Variants in RELN observed in about 807,000 individuals in gnomAD.
RELN encodes reelin.
Under a neutral mutation model 427.6 loss-of-function variants are expected in RELN, and 108 were observed. The ratio of observed to expected loss-of-function variants is 0.25; its 90% CI spans 0.22 to 0.30. The LOEUF (loss-of-function observed/expected upper bound fraction) is 0.30, where lower values mean the gene tolerates loss of function less well. Among genes scored for constraint, RELN ranks in the 10% least tolerant of loss-of-function variants. The pLI, the probability that RELN is intolerant of heterozygous loss-of-function variation, is 1.00. For missense variants in RELN, 3,715 were observed against 4,302.8 expected (o/e 0.86, Z 3.82); for synonymous variants, 1,524 against 1,513.4 (o/e 1.01, Z -0.16).
chr7:103,885,974 TCACC>T, intron 2 of RELN, among the ~76,000 whole-genome samples: 1 of 152,118 alleles, frequency 6.6e-6, no homozygotes, highest in Non-Finnish European at 1.5e-5. Context: ...ATTATTTTAA[TCACC>T]ATTTTTCTCT....
chr7:103,919,236 A>G (rs1297135622), intron 1 of RELN, among the ~76,000 whole-genome samples: 2 of 150,854 alleles, frequency 1.3e-5, no homozygotes, highest in Non-Finnish European at 2.9e-5. Context: ...CACTTCTTCA[A>G]GAAGATAATG....
chr7:103,486,565 AGC>A, intron 60 of RELN, 149 bp from the exon 61 acceptor site: 1 of 679,384 alleles, frequency 1.5e-6, no homozygotes, highest in Non-Finnish European at 2.5e-6. Context: ...AAAAAAAAAA[AGC>A]CAAACAACCC....
At chr7:103,779,701 C>G (rs573546909) in intron 3 of RELN, among the ~76,000 whole-genome samples, 1 of 152,054 alleles carries the variant, frequency 6.6e-6, no homozygotes, top group Non-Finnish European at 1.5e-5. Context: ...AGAGGAAGAG[C>G]CTGCTTTCAG....
rs552247909 is a variant in RELN at position 103,540,212 on chromosome 7, G to A, written c.6915C>T (p.Pro2305=). 62 of 1,614,204 alleles carry A rather than the reference G, an allele frequency of 3.8e-5. 2 individuals are homozygous for A. In the South Asian group the frequency reaches 6.3e-4, roughly 16 times the overall value. Residue 2305 remains proline, a synonymous_variant, in exon 44 of 65, where the codon CCC becomes CCT. Transcript: ENST00000428762. ...AGGGACTGACCTGATCGATAACCCA[G>A]GGGCTGTAGAAGTGCCCATTCTCAG... is the stretch of plus-strand genomic sequence containing the variant. The part of the protein sequence containing the change: ...QPSENGHFYS[P]WVIDQILIGG...
chr7:103,654,092 C>G lies in RELN; in HGVS notation c.1554+1G>C. The G allele has an allele frequency of 6.5e-7, 1 of 1,535,084 alleles. No individual in the cohort carries two copies. The highest frequency in any genetic ancestry group is 9.0e-7 in the Non-Finnish European group (1 of 1,108,588). On this transcript the variant is annotated splice_donor_variant, in intron 13 of 64. Coordinates refer to ENST00000428762, the MANE Select transcript of RELN (RefSeq NM_005045.4). LOFTEE classifies it high-confidence loss of function. ...TTTGCCACACAGACTGGCATGTGTA[C>G]CTTATATGAGGAATAGGAAAGGGTA...
chr7:103,576,969 CAT>C (rs943860361), intron 28 of RELN, among the ~76,000 whole-genome samples: 9 of 152,264 alleles, frequency 5.9e-5, no homozygotes, highest in South Asian at 4.1e-4. Context: ...CACACACACA[CAT>C]ATGTACACAC....
Position 103,953,822 on chromosome 7 carries a change from C to G in RELN, c.226+35309G>C, listed in dbSNP as rs180975286. 3.3e-5 allele frequency among the ~76,000 whole-genome samples: 5 copies of G among 151,980 alleles called. No homozygotes were observed. Among genetic ancestry groups the G allele is most frequent in the African/African-American group, 1.2e-4 (5 of 41,356 alleles). ...TGGCACACGCCTATAATCCCAACTACTCGGGAGACTGAGGCAGGAGAATCC... is the reference window on the plus strand; with the variant it reads ...TGGCACACGCCTATAATCCCAACTAGTCGGGAGACTGAGGCAGGAGAATCC... On this transcript the variant is annotated intron_variant, in intron 1 of 64. Transcript: ENST00000428762. The surrounding 1 kb of genome is among the most constrained non-coding windows in gnomAD (Gnocchi z 4.3).
rs1202180774 is a variant in RELN, at chr7:103,824,701, A to AT, written c.473+8835dup. On this transcript the variant is annotated intron_variant, in intron 3 of 64. Transcript: ENST00000428762. The surrounding 1 kb of genome is among the most constrained non-coding windows in gnomAD (Gnocchi z 4.4). ...TTGCTTCATTTTAGCTAGAGTTGCT[A>AT]TTTTATTTCAGTGGGAAGAATTTCT... Among the ~76,000 whole-genome samples the AT allele has an allele frequency of 7.2e-6, 1 of 138,144 alleles. No homozygotes were observed. The highest frequency in any genetic ancestry group is 1.5e-5 in the Non-Finnish European group (1 of 65,036). 90.6% of individuals were successfully genotyped at this position (138,144 alleles called of 152,430 possible).
chr7:103,587,121 T>G (rs562193380), intron 28 of RELN, among the ~76,000 whole-genome samples: 3 of 152,288 alleles, frequency 2.0e-5, no homozygotes, highest in Middle Eastern at 6.8e-3. Context: ...CTTACCTGAC[T>G]TCAAATTATG....
At chr7:103,951,587 T>C (rs1388793471) in intron 1 of RELN, among the ~76,000 whole-genome samples, 1 of 152,214 alleles carries the variant, frequency 6.6e-6, no homozygotes, top group Non-Finnish European at 1.5e-5. Context: ...GCCTGAACTT[T>C]TTAAATCAAA....
intron 46 of RELN, among the ~76,000 whole-genome samples, chr7:103,529,537 C>T (rs1004871673): frequency 3.3e-5 from 5 of 151,938 alleles, no homozygotes; most frequent in Admixed American, 3.3e-4. Flanking sequence ...ATTTGAGCCA[C>T]CTCTTACTTT....
At chr7:103,980,147 C>T (rs1475577645) in intron 1 of RELN, among the ~76,000 whole-genome samples, 8 of 145,152 alleles carry the variant, frequency 5.5e-5, no homozygotes, top group South Asian at 2.2e-4. Flanking sequence ...ACAACAAGAG[C>T]GAAACTCTGT....
At chr7:103,583,704 G>C (rs113322243) in intron 28 of RELN, among the ~76,000 whole-genome samples, 45 of 152,312 alleles carry the variant, frequency 3.0e-4, no homozygotes, top group Middle Eastern at 3.4e-3. Flanking sequence ...AAACACCTGA[G>C]GCACAAAAGG....
intron 58 of RELN, 143 bp from the exon 59 acceptor site, chr7:103,490,972 AT>A: frequency 1.3e-6 from 1 of 748,356 alleles, no homozygotes; most frequent in Admixed American, 2.8e-5. Context: ...ATAATTACAG[AT>A]TATAAAAAAA....
chr7:103,521,716 TTAAA>T (rs1447211999), intron 48 of RELN, among the ~76,000 whole-genome samples: 2 of 152,340 alleles, frequency 1.3e-5, no homozygotes, highest in African/African-American at 4.8e-5. Flanking sequence ...CCCTGAATAA[TTAAA>T]TAGTCTCAAC....
chr7:103,743,658 G>C (rs1790732473), intron 6 of RELN, among the ~76,000 whole-genome samples: 1 of 152,130 alleles, frequency 6.6e-6, no homozygotes, highest in Non-Finnish European at 1.5e-5. Flanking sequence ...GATCAAAAGA[G>C]ACAAAGAAGG....
chr7:103,924,801 T>C (rs1795690060), intron 1 of RELN, among the ~76,000 whole-genome samples: 1 of 152,132 alleles, frequency 6.6e-6, no homozygotes, highest in South Asian at 2.1e-4. Context: ...ACAGGTGCAG[T>C]CAAATGTGTT....
chr7:103,576,828 G>A (rs1042803538), intron 28 of RELN, among the ~76,000 whole-genome samples: 2 of 152,194 alleles, frequency 1.3e-5, no homozygotes, highest in African/African-American at 2.4e-5. Context: ...CTAGTGGGCT[G>A]GGCTACTGCC....
At chr7:103,472,958 TG>T in intron 64 of RELN, 50 bp from the exon 65 acceptor site, 1 of 1,383,734 alleles carries the variant, frequency 7.2e-7, no homozygotes, top group South Asian at 1.2e-5. Context: ...AAAAAGAGCA[TG>T]TAAGTCCCAT....
Sources: allele counts gnomAD v4.1 joint callset (sites outside exome capture counted in the v4.1 genomes callset), GRCh38; gene constraint gnomAD v4.1.1; non-coding constraint Gnocchi (gnomAD v3.1); transcripts MANE v1.5; gene names NCBI Gene and HGNC (gene_info 2026-07-23, HGNC 2026-07-21).